ADAMTS7: variants seen among roughly 807,000 people sequenced by gnomAD.
ADAMTS7 encodes A disintegrin and metalloproteinase with thrombospondin motifs 7.
In ADAMTS7, 89 loss-of-function variants were observed where a neutral mutation model predicts 172.6. The ratio of observed to expected loss-of-function variants is 0.52; its 90% confidence interval spans 0.43 to 0.61. The LOEUF is 0.61. ADAMTS7 is among the 20% of genes least tolerant of loss of function. ADAMTS7 has a pLI of 0.00. For missense variants in ADAMTS7, 1,973 were observed against 2,355.6 expected, an observed-to-expected ratio of 0.84 and a Z score of 3.36; for synonymous variants, 885 against 978.4, an observed-to-expected ratio of 0.90 and a Z score of 1.78.
Position 78,790,680 on chromosome 15 carries a change from G to A in ADAMTS7, c.1018C>T (p.Leu340=), listed in dbSNP as rs141892920. Residue 340 remains leucine, a synonymous_variant, in exon 6 of 24, where the codon CTG becomes TTG. Transcript: ENST00000388820. ...CTGCGGCTGCAGTACCTGGTGAGCA[G>A]GATGGCAGTGTCATGGTGCAGGGGA... ...AHPLHHDTAI[L]LTRKDLCAAM... 1.3e-4 allele frequency: 210 copies of A among 1,613,632 alleles called. 1 individual carries two copies. The highest frequency in any genetic ancestry group is 2.5e-5 in the Non-Finnish European group (29 of 1,180,022).
At chr15:78,776,355 G>A (rs1567219462) in intron 10 of ADAMTS7, 22 bp from the exon 11 acceptor site, 6 of 1,603,698 alleles carry the variant, frequency 3.7e-6, no homozygotes, top group Middle Eastern at 2.3e-4. Flanking sequence ...GACGGAGGTA[G>A]AGCCACCCCA....
chr15:78,781,982 G>C (rs2055434125), intron 8 of ADAMTS7, among the ~76,000 whole-genome samples: 1 of 152,154 alleles, frequency 6.6e-6, no homozygotes, highest in East Asian at 1.9e-4. Flanking sequence ...TGAGGCTTAA[G>C]AGCTAATATA....
intron 16 of ADAMTS7, among the ~76,000 whole-genome samples, chr15:78,769,792 A>G (rs1189946681): frequency 6.6e-6 from 1 of 152,250 alleles, no homozygotes; most frequent in East Asian, 1.9e-4. Context: ...GAAGCAGCCA[A>G]TTTGCTGAAA....
intron 4 of ADAMTS7, among the ~76,000 whole-genome samples, chr15:78,795,471 C>A (rs887166046): frequency 4.6e-5 from 7 of 152,270 alleles, no homozygotes; most frequent in African/African-American, 1.7e-4. Context: ...AGATAACAGC[C>A]CTGGATGCAG....
At chr15:78,791,568 G>C (rs2055581704) in intron 4 of ADAMTS7, among the ~76,000 whole-genome samples, 2 of 152,224 alleles carry the variant, frequency 1.3e-5, no homozygotes, top group South Asian at 4.1e-4. Context: ...GGCGATGGCA[G>C]CTCAGACCTC....
intron 8 of ADAMTS7, among the ~76,000 whole-genome samples, chr15:78,783,763 TCAAAATCCAAATGCTC>T (rs1477673000): frequency 4.6e-5 from 7 of 152,254 alleles, no homozygotes; most frequent in African/African-American, 1.7e-4. Context: ...ATCTCCAATC[TCAAAATCCAAATGCTC>T]CAAAATCCAA....
At chr15:78,800,155 G>A (rs762229164) in intron 2 of ADAMTS7, 37 bp downstream of exon 2, 6 of 1,553,386 alleles carry the variant, frequency 3.9e-6, no homozygotes, top group African/African-American at 2.7e-5. Context: ...CCCACCACCC[G>A]AGACTGCCCC....
Position 78,794,033 on chromosome 15 carries a change from C to A in ADAMTS7, c.819+2557G>T, listed in dbSNP as rs1038290546. Among the ~76,000 whole-genome samples the A allele has an allele frequency of 2.0e-5, 3 of 151,990 alleles. No individual in the cohort carries two copies. In the East Asian group the frequency reaches 5.8e-4, roughly 29 times the overall value. On this transcript the variant is annotated intron_variant, in intron 4 of 23. Transcript: ENST00000388820. ...ATCCCAGCACTTTGGGAGGACGAGG[C>A]GGGCAGAATAGCCTGGCCAATGTGG...
Position 78,766,537 on chromosome 15 carries a change from A to G in ADAMTS7, c.3374T>C (p.Leu1125Pro), listed in dbSNP as rs201467377. 6.9e-3 allele frequency: 10,670 copies of G among 1,554,736 alleles called. 467 individuals carry two copies. The highest frequency in any genetic ancestry group is 8.0e-3 in the Admixed American group (456 of 57,096). Residue 1125 changes from leucine to proline, a missense_variant, in exon 19 of 24, where the codon CTG becomes CCG. Physicochemically the swap from Leu to Pro is moderately conservative, Grantham distance 98. Transcript: ENST00000388820. The part of the protein sequence containing the change: ...EPPAAKEEGV[L>P]GPWSPSPWPS... ...CCAAGGGCTCGGGGACCAAGGTCCC[A>G]GTACCCCCTCCTCCTTGGCTGCAGG...
At chr15:78,796,560 G>C (rs768739322) in intron 4 of ADAMTS7, 30 bp downstream of exon 4, 252 of 1,302,032 alleles carry the variant, frequency 1.9e-4, no homozygotes, top group South Asian at 4.8e-4. Context: ...CACCATCCCC[G>C]CCACCCGCTC....
intron 1 of ADAMTS7, 135 bp downstream of exon 1, chr15:78,810,986 G>C (rs1011125508): frequency 3.1e-6 from 3 of 973,572 alleles, no homozygotes; most frequent in Non-Finnish European, 4.0e-6. Context: ...AATACCCAGG[G>C]AGCGGAAGAC....
intron 2 of ADAMTS7, 35 bp from the exon 3 acceptor site, chr15:78,798,148 C>G (rs370316704): frequency 6.6e-7 from 1 of 1,518,606 alleles, no homozygotes; most frequent in Non-Finnish European, 8.8e-7. Context: ...ACAGGGAGGG[C>G]TGGCCCTCAG....
chr15:78,796,506 C>T (rs2055644990), intron 4 of ADAMTS7, 84 bp downstream of exon 4: 3 of 1,483,198 alleles, frequency 2.0e-6, no homozygotes, highest in Non-Finnish European at 2.7e-6. Flanking sequence ...TCCAGCCTGA[C>T]AGCCTTCCTG....
intron 8 of ADAMTS7, among the ~76,000 whole-genome samples, chr15:78,778,078 G>C (rs949514159): frequency 6.6e-6 from 1 of 152,222 alleles, no homozygotes; most frequent in African/African-American, 2.4e-5. Flanking sequence ...CCCCTCCCCT[G>C]GGAGAGAGCC....
intron 4 of ADAMTS7, among the ~76,000 whole-genome samples, chr15:78,796,124 T>C (rs1273923193): frequency 6.6e-6 from 1 of 152,202 alleles, no homozygotes; most frequent in Non-Finnish European, 1.5e-5. Context: ...ACCATAGAAC[T>C]GCACAGATTC....
chr15:78,763,298 G>C (rs968504563), intron 22 of ADAMTS7, among the ~76,000 whole-genome samples: 1 of 152,192 alleles, frequency 6.6e-6, no homozygotes, highest in Non-Finnish European at 1.5e-5. Context: ...TTCCAAACAG[G>C]CCCAGCAGAA....
At position 78,797,862 on chromosome 15, in the gene ADAMTS7, G is replaced by A. The variant is rs3743056; in HGVS notation, c.622+86C>T. 15,828 of 1,464,680 alleles carry A rather than the reference G, an allele frequency of 0.011. 652 individuals carry two copies. The East Asian group carries it at 0.14, about 13-fold the overall frequency. 90.7% of individuals were successfully genotyped at this position (1,464,680 alleles called of 1,614,324 possible). ...ATCTGGTCTAAGGGGCACTGGGCAT[G>A]GGGATGTTAAGGGGGGCTTCTAGAA... is the stretch of plus-strand genomic sequence containing the variant. On this transcript the variant is annotated intron_variant, in intron 3 of 23. Coordinates refer to ENST00000388820, the MANE Select transcript of ADAMTS7 (RefSeq NM_014272.5).
chr15:78,800,422 G>C lies in ADAMTS7; in HGVS notation c.226C>G (p.Arg76Gly). The change falls in exon 2 of 24, where the codon CGA becomes GGA. Residue 76 changes from arginine to glycine, a missense_variant. Physicochemically the swap from Arg to Gly is moderately radical, Grantham distance 125. This residue lies in a region of ADAMTS7 where 306 missense variants were observed against 288.0 expected (regional missense o/e 1.06). Transcript: ENST00000388820. ...AGCTCGTAGAAGGCGGGCGCGTCTC[G>C]GCGCACAGATACATCCCGCTTGCGC... The part of the protein sequence containing the change: ...ALRKRDVSVR[R>G]DAPAFYELQY... 1.2e-6 allele frequency: 2 copies of C among 1,609,794 alleles called. No individual in the cohort carries two copies. Among genetic ancestry groups the C allele is most frequent in the East Asian group, 4.5e-5 (2 of 44,796 alleles).
chr15:78,788,557 A>G (rs2055537865), intron 7 of ADAMTS7, among the ~76,000 whole-genome samples, 183 bp from the exon 8 acceptor site: 2 of 152,250 alleles, frequency 1.3e-5, no homozygotes, highest in East Asian at 1.9e-4. Context: ...CCTGAATGTA[A>G]AATGAGGGTA....
Sources: allele counts gnomAD v4.1 joint callset (sites outside exome capture counted in the v4.1 genomes callset), GRCh38; gene constraint gnomAD v4.1.1; regional missense constraint gnomAD v4.1.1; transcripts MANE v1.5; gene names NCBI Gene and HGNC (gene_info 2026-07-23, HGNC 2026-07-21).